The following PARD3 variants were observed in gnomAD, a reference collection of about 807,000 sequenced individuals.
PARD3 encodes the protein par-3 family cell polarity regulator, also known as partitioning defective 3 homolog.
A neutral mutation model predicts 155.4 loss-of-function variants in PARD3; 75 were observed. The ratio of observed to expected loss-of-function variants is 0.48; its 90% confidence interval spans 0.40 to 0.58. PARD3 has a LOEUF of 0.58. Among genes scored for constraint, PARD3 ranks in the 20% least tolerant of loss-of-function variants. The probability of loss-of-function intolerance (pLI) is 0.00; values close to 1 mark genes in which losing one functional copy is unlikely to be tolerated. For missense variants in PARD3, 1,642 were observed against 1,721.7 expected (o/e 0.95, Z 0.82); for synonymous variants, 576 against 610.5 (o/e 0.94, Z 0.83).
At chr10:34,158,360 TTC>T (rs1326842686) in intron 22 of PARD3, among the ~76,000 whole-genome samples, 1 of 152,236 alleles carries the variant, frequency 6.6e-6, no homozygotes, top group Non-Finnish European at 1.5e-5. Context: ...TTTCCATTTC[TTC>T]TCTCTTTGGC....
intron 4 of PARD3, among the ~76,000 whole-genome samples, chr10:34,466,133 G>A (rs1192676824): frequency 6.6e-6 from 1 of 152,010 alleles, no homozygotes; most frequent in Non-Finnish European, 1.5e-5. Context: ...CAAAATACTG[G>A]ACACAAAGGT....
chr10:34,450,422 C>A lies in PARD3; in HGVS notation c.609G>T (p.Pro203=). 4.3e-6 allele frequency: 7 copies of A among 1,613,090 alleles called. No homozygotes were observed. The highest frequency in any genetic ancestry group is 2.2e-5 in the East Asian group (1 of 44,830). ...RKKDENYRSL[P]RDTSNWSNQF... Reference sequence around the variant, plus strand: ...GGTTAGACCAGTTACTAGTATCCCGCGGGAGGCTTCTGTAGTTTTCATCTT... The same window carrying A: ...GGTTAGACCAGTTACTAGTATCCCGAGGGAGGCTTCTGTAGTTTTCATCTT... Residue 203 remains proline, a synonymous_variant, in exon 5 of 25, where the codon CCG becomes CCT. Transcript: ENST00000374788.
At chr10:34,754,130 T>A (rs10827416) in intron 1 of PARD3, among the ~76,000 whole-genome samples, 9 of 151,960 alleles carry the variant, frequency 5.9e-5, no homozygotes, top group Non-Finnish European at 1.3e-4. Context: ...CATCTCAGCC[T>A]CCTGAATAGC....
intron 2 of PARD3, among the ~76,000 whole-genome samples, chr10:34,534,103 C>A (rs1425487781): frequency 2.0e-5 from 3 of 151,546 alleles, no homozygotes; most frequent in Admixed American, 2.0e-4. Context: ...GTCTTAAGAC[C>A]CAGAAGGAAA....
At chr10:34,739,141 T>C (rs960727284) in intron 1 of PARD3, among the ~76,000 whole-genome samples, 1 of 152,182 alleles carries the variant, frequency 6.6e-6, no homozygotes, top group Non-Finnish European at 1.5e-5. Context: ...CTAAATGCAA[T>C]GTAGCCCTCT....
intron 11 of PARD3, among the ~76,000 whole-genome samples, chr10:34,373,612 T>A (rs1840919964): frequency 6.6e-6 from 1 of 151,828 alleles, no homozygotes; most frequent in Non-Finnish European, 1.5e-5. Flanking sequence ...CAAAATTGGA[T>A]AACAGTGGGG....
chr10:34,399,510 AC>A, intron 6 of PARD3, 97 bp from the exon 7 acceptor site: 1 of 766,050 alleles, frequency 1.3e-6, no homozygotes, highest in Admixed American at 2.0e-5. Flanking sequence ...ACACAGACAC[AC>A]AATAAACAAC....
chr10:34,687,154 A>T (rs1003225339), intron 2 of PARD3, among the ~76,000 whole-genome samples: 2 of 152,202 alleles, frequency 1.3e-5, no homozygotes, highest in African/African-American at 4.8e-5. Flanking sequence ...CTTGTATTTC[A>T]AAAGCAAAAA....
intron 4 of PARD3, among the ~76,000 whole-genome samples, chr10:34,455,967 T>C (rs2077316485): frequency 6.6e-6 from 1 of 152,248 alleles, no homozygotes; most frequent in Non-Finnish European, 1.5e-5. Context: ...GGTACATGTA[T>C]ACATCTTACT....
At chr10:34,727,283 C>G (rs1159292657) in intron 1 of PARD3, among the ~76,000 whole-genome samples, 6 of 152,224 alleles carry the variant, frequency 3.9e-5, no homozygotes, top group Non-Finnish European at 7.3e-5. Context: ...TGGCGGCATA[C>G]AAGCTTGCTC....
chr10:34,780,824 G>A (rs1418372260), intron 1 of PARD3, among the ~76,000 whole-genome samples: 2 of 152,168 alleles, frequency 1.3e-5, no homozygotes, highest in Non-Finnish European at 2.9e-5. Context: ...AATAATCAGT[G>A]CGGAGGCAAC....
chr10:34,450,583 C>G (rs2077002440), intron 4 of PARD3, 135 bp from the exon 5 acceptor site: 1 of 807,172 alleles, frequency 1.2e-6, no homozygotes, highest in Non-Finnish European at 1.9e-6. Flanking sequence ...TACAAAATAG[C>G]TGATTGAGGA....
At chr10:34,706,367 T>C (rs975365126) in intron 1 of PARD3, among the ~76,000 whole-genome samples, 1 of 152,216 alleles carries the variant, frequency 6.6e-6, no homozygotes, top group Non-Finnish European at 1.5e-5. Context: ...GTTTCCAATC[T>C]GAAGCGTCAG....
intron 1 of PARD3, among the ~76,000 whole-genome samples, chr10:34,809,495 C>T (rs1013114611): frequency 2.6e-5 from 4 of 152,184 alleles, no homozygotes; most frequent in African/African-American, 9.7e-5. Flanking sequence ...GAGAGCCAGC[C>T]TCCTGGAGAT....
At chr10:34,586,505 T>C (rs1338293823) in intron 2 of PARD3, among the ~76,000 whole-genome samples, 1 of 152,084 alleles carries the variant, frequency 6.6e-6, no homozygotes, top group African/African-American at 2.4e-5. Flanking sequence ...ACAGATCAAA[T>C]CCACCTTATT....
At chr10:34,439,994 T>C (rs904073803) in intron 5 of PARD3, among the ~76,000 whole-genome samples, 3 of 152,114 alleles carry the variant, frequency 2.0e-5, no homozygotes, top group African/African-American at 7.2e-5. Context: ...AGGGCACATA[T>C]ACCCAGGCCT....
At chr10:34,349,795 A>G (rs2097087989) in intron 14 of PARD3, among the ~76,000 whole-genome samples, 1 of 152,170 alleles carries the variant, frequency 6.6e-6, no homozygotes, top group Admixed American at 6.5e-5. Context: ...AATGTATTTA[A>G]TTGAACTGTA....
At chr10:34,402,087 A>C (rs752831711) in intron 5 of PARD3, among the ~76,000 whole-genome samples, 170 bp from the exon 6 acceptor site, 15 of 152,178 alleles carry the variant, frequency 9.9e-5, no homozygotes, top group Non-Finnish European at 1.3e-4. Context: ...TAAAAAGCTA[A>C]AATTGAAAAC....
At position 34,152,364 on chromosome 10, in the gene PARD3, G is replaced by A. The variant is rs149850077; in HGVS notation, c.3420-20781C>T. ...ATGTAGTCTACTACCCAGCTAGGCT[G>A]TATGGTGTAGCCTATTGCTCCTAGG... On this transcript the variant is annotated intron_variant, in intron 22 of 24. Coordinates refer to ENST00000374788, the MANE Select transcript of PARD3 (RefSeq NM_001184785.2). 7.2e-5 allele frequency among the ~76,000 whole-genome samples: 11 copies of A among 152,350 alleles called. No homozygotes were observed. The East Asian group carries it at 2.1e-3, about 29-fold the overall frequency.
Sources: allele counts gnomAD v4.1 joint callset (sites outside exome capture counted in the v4.1 genomes callset), GRCh38; gene constraint gnomAD v4.1.1; transcripts MANE v1.5; gene names NCBI Gene and HGNC (gene_info 2026-07-23, HGNC 2026-07-21).